Variants in PHC3 observed in about 807,000 individuals in gnomAD.
The protein encoded by PHC3 is polyhomeotic-like protein 3.
In PHC3, 13 loss-of-function variants were observed where a neutral mutation model predicts 107.4. The ratio of observed to expected loss-of-function variants is 0.12; its 90% confidence interval spans 0.08 to 0.19. The LOEUF is 0.19. Ranked by LOEUF, PHC3 falls within the 10% of genes least tolerant of loss-of-function variation. The pLI, the probability that PHC3 is intolerant of heterozygous loss-of-function variation, is 1.00. For synonymous variants in PHC3, 456 were observed against 427.4 expected (o/e 1.07, Z -0.83); for missense variants, 992 against 1,210.9 (o/e 0.82, Z 2.68).
At chr3:170,169,398 C>CT (rs1729240592) in intron 4 of PHC3, among the ~76,000 whole-genome samples, 1 of 151,842 alleles carries the variant, frequency 6.6e-6, no homozygotes, top group Non-Finnish European at 1.5e-5. Context: ...TTACCATGCT[C>CT]CCCCCCGTTT....
chr3:170,113,714 C>T (rs73181211), intron 10 of PHC3, among the ~76,000 whole-genome samples, 195 bp from the exon 11 acceptor site: 4,973 of 152,220 alleles, frequency 0.033, 113 homozygotes, highest in Non-Finnish European at 0.053. Context: ...TTTCTGGTCA[C>T]CAGCAGTACA....
intron 9 of PHC3, among the ~76,000 whole-genome samples, chr3:170,117,746 C>T (rs1719317604): frequency 6.6e-6 from 1 of 151,886 alleles, no homozygotes. Flanking sequence ...GCCTGTAATG[C>T]CAGCACTTTG....
At chr3:170,166,335 C>A (rs762867217) in intron 4 of PHC3, among the ~76,000 whole-genome samples, 1 of 152,106 alleles carries the variant, frequency 6.6e-6, no homozygotes, top group Non-Finnish European at 1.5e-5. Flanking sequence ...TGAGCCACTG[C>A]GCCTGGCCCC....
At chr3:170,126,301 T>C (rs1721217829) in intron 8 of PHC3, among the ~76,000 whole-genome samples, 1 of 151,820 alleles carries the variant, frequency 6.6e-6, no homozygotes, top group Admixed American at 6.6e-5. Flanking sequence ...TAAAGAGCTA[T>C]GTTACTCAAA....
intron 14 of PHC3, among the ~76,000 whole-genome samples, chr3:170,098,588 A>G (rs889967866): frequency 1.3e-5 from 2 of 152,046 alleles, no homozygotes; most frequent in Non-Finnish European, 2.9e-5. Flanking sequence ...TTTGTCAATA[A>G]GGACTGAATT....
At chr3:170,127,235 C>T (rs1441818940) in intron 8 of PHC3, among the ~76,000 whole-genome samples, 2 of 152,212 alleles carry the variant, frequency 1.3e-5, no homozygotes, top group African/African-American at 2.4e-5. Flanking sequence ...GCCGCAATCT[C>T]GGCCCACTGC....
At chr3:170,107,149 G>C (rs1264489996) in intron 11 of PHC3, among the ~76,000 whole-genome samples, 1 of 152,028 alleles carries the variant, frequency 6.6e-6, no homozygotes, top group Non-Finnish European at 1.5e-5. Flanking sequence ...AAAATTACAA[G>C]GAGTTTCTTT....
At chr3:170,156,680 C>T (rs756440928) in intron 4 of PHC3, among the ~76,000 whole-genome samples, 3 of 151,890 alleles carry the variant, frequency 2.0e-5, no homozygotes, top group Non-Finnish European at 4.4e-5. Flanking sequence ...TCACTGCAAA[C>T]TCCGCCTCCT....
intron 3 of PHC3, among the ~76,000 whole-genome samples, chr3:170,172,311 T>C (rs1219606776): frequency 6.6e-6 from 1 of 152,202 alleles, no homozygotes; most frequent in Non-Finnish European, 1.5e-5. Context: ...ACACATAAAC[T>C]AGCATAGCAT....
Position 170,087,665 on chromosome 3 carries a change from A to G in PHC3, c.*9565T>C, listed in dbSNP as rs546734602. The stretch of plus-strand genomic sequence containing the variant: ...TATTATTGTAATATAAACAATATAA[A>G]TAAATGATCCTGTAGGCCCACTAAT... On this transcript the variant is annotated 3_prime_UTR_variant, in exon 15 of 15. Transcript: ENST00000495893. 3.3e-5 allele frequency: 5 copies of G among 152,324 alleles called. No homozygotes were observed. The South Asian group carries it at 1.0e-3, about 32-fold the overall frequency. The allele number at this position is 152,324 out of a possible 1,614,324, so 9.4% of individuals were successfully genotyped here.
intron 1 of PHC3, among the ~76,000 whole-genome samples, chr3:170,179,248 G>C (rs1731011222): frequency 1.3e-5 from 2 of 152,116 alleles, no homozygotes. Flanking sequence ...CAGGTAATGA[G>C]AGAATACTAA....
chr3:170,166,179 G>A lies in PHC3; in HGVS notation c.414+5194C>T, dbSNP rs118091448. ...CCTGCCTCAGCTTCCCAAGTAGCTGGAATTATAGGCACGTACCACCATGGA... is the reference window on the plus strand; with the variant it reads ...CCTGCCTCAGCTTCCCAAGTAGCTGAAATTATAGGCACGTACCACCATGGA... On this transcript the variant is annotated intron_variant, in intron 4 of 14. Transcript: ENST00000495893. Among the ~76,000 whole-genome samples the A allele has an allele frequency of 3.9e-3, 592 of 152,000 alleles. 20 individuals are homozygous for A. The East Asian group carries it at 0.098, about 25-fold the overall frequency.
intron 12 of PHC3, among the ~76,000 whole-genome samples, chr3:170,106,553 CA>C (rs1716559924): frequency 6.6e-6 from 1 of 152,234 alleles, no homozygotes; most frequent in Admixed American, 6.5e-5. Context: ...TTCTTACCAT[CA>C]GGAGATTACT....
chr3:170,089,956 GCTCA>G lies in PHC3; in HGVS notation c.*7270_*7273del, dbSNP rs1713919604. 1 of 148,050 alleles carries G rather than the reference GCTCA, an allele frequency of 6.8e-6. No homozygotes were observed. The highest frequency in any genetic ancestry group is 1.5e-5 in the Non-Finnish European group (1 of 67,204). The allele number at this position is 148,050 out of a possible 1,614,324, so 9.2% of individuals were successfully genotyped here. On this transcript the variant is annotated 3_prime_UTR_variant, in exon 15 of 15. Transcript: ENST00000495893. ...AAAAAAAAAAAAAAGAAAGAAAGTT[GCTCA>G]CTGTCAATACTGGGTAAAAAGCTCT... is the stretch of plus-strand genomic sequence containing the variant.
Position 170,087,901 on chromosome 3 carries a change from G to T in PHC3, c.*9329C>A, listed in dbSNP as rs983175139. 6.6e-6 allele frequency: 1 copy of T among 152,026 alleles called. No individual in the cohort carries two copies. Among genetic ancestry groups the T allele is most frequent in the African/African-American group, 2.4e-5 (1 of 41,390 alleles). The allele number at this position is 152,026 out of a possible 1,614,324, so 9.4% of individuals were successfully genotyped here. A position where few individuals can be genotyped will look rare whatever the true frequency, so the allele number is the denominator to read the frequency against. ...TATGAAAATCTAAATTCATACACAT[G>T]CTACTTAATATGAAAGTGCTTTCTC... On this transcript the variant is annotated 3_prime_UTR_variant, in exon 15 of 15. Coordinates refer to ENST00000495893, the MANE Select transcript of PHC3 (RefSeq NM_024947.4).
intron 5 of PHC3, chr3:170,148,275 CAAT>C (rs1725337854): frequency 6.6e-6 from 1 of 151,884 alleles, no homozygotes; most frequent in African/African-American, 2.4e-5. Flanking sequence ...CCTCAAAAAA[CAAT>C]AACAACAACA....
intron 14 of PHC3, among the ~76,000 whole-genome samples, chr3:170,099,141 T>A (rs572062848): frequency 6.8e-4 from 104 of 152,286 alleles, no homozygotes; most frequent in African/African-American, 2.4e-3. Context: ...AAGAGCTACA[T>A]TTGGGAATAG....
chr3:170,135,535 T>C (rs571082567), intron 7 of PHC3, among the ~76,000 whole-genome samples: 21 of 151,838 alleles, frequency 1.4e-4, no homozygotes, highest in African/African-American at 5.1e-4. Flanking sequence ...AAACAATATA[T>C]AGTTATAGTG....
intron 7 of PHC3, among the ~76,000 whole-genome samples, chr3:170,130,055 G>A (rs1721999925): frequency 6.6e-6 from 1 of 152,172 alleles, no homozygotes; most frequent in East Asian, 1.9e-4. Context: ...AAAATACACT[G>A]TACTGTGATA....
Sources: allele counts gnomAD v4.1 joint callset (sites outside exome capture counted in the v4.1 genomes callset), GRCh38; gene constraint gnomAD v4.1.1; transcripts MANE v1.5; gene names NCBI Gene and HGNC (gene_info 2026-07-23, HGNC 2026-07-21).